The following GNB1L variants were observed in gnomAD, a reference collection of about 807,000 sequenced individuals.
GNB1L encodes G protein subunit beta 1 like, also known as guanine nucleotide-binding protein subunit beta-like protein 1.
In GNB1L, 20 loss-of-function variants were observed where a neutral mutation model predicts 29.1. The observed-to-expected ratio is 0.69, with a 90% confidence interval of 0.48 to 1.00. The LOEUF (loss-of-function observed/expected upper bound fraction) is 1.00. GNB1L is among the 50% of genes least tolerant of loss of function. The pLI, the probability that GNB1L is intolerant of heterozygous loss-of-function variation, is 0.00. For synonymous variants in GNB1L, 193 were observed against 206.5 expected (o/e 0.93, Z 0.56); for missense variants, 421 against 464.9 (o/e 0.91, Z 0.87).
chr22:19,793,674 G>T (rs1206484573), intron 7 of GNB1L, among the ~76,000 whole-genome samples: 1 of 152,190 alleles, frequency 6.6e-6, no homozygotes, highest in Non-Finnish European at 1.5e-5. Flanking sequence ...AGCAGCCACG[G>T]AGCAAGACAT....
In GNB1L at chr22:19,849,986, G is replaced by A. The variant is rs957390334; in HGVS notation, c.-21+4457C>T. 1.7e-5 allele frequency: 17 copies of A among 985,348 alleles called. No homozygotes were observed. The African/African-American group carries it at 2.3e-4, about 13-fold the overall frequency. 61.0% of individuals were successfully genotyped at this position (985,348 alleles called of 1,614,324 possible). A position where few individuals can be genotyped will look rare whatever the true frequency, so the allele number is the denominator to read the frequency against. On this transcript the variant is annotated intron_variant, in intron 2 of 7. Transcript: ENST00000329517. ...TTCATTCCATTCCTCTGGGCCTGGG[G>A]CCTCACAGCTCTGGACTGCTGCCTG... is the stretch of plus-strand genomic sequence containing the variant.
chr22:19,825,526 G>A (rs1029583655), intron 2 of GNB1L, among the ~76,000 whole-genome samples: 10 of 152,194 alleles, frequency 6.6e-5, no homozygotes, highest in South Asian at 2.1e-4. Context: ...GGAGGCTGAG[G>A]TGGGAGGATA....
intron 2 of GNB1L, among the ~76,000 whole-genome samples, chr22:19,853,328 C>T (rs770573358): frequency 1.3e-5 from 2 of 152,160 alleles, no homozygotes; most frequent in African/African-American, 2.4e-5. Context: ...TGGCTGGACC[C>T]GCCCCTCCTT....
At chr22:19,804,724 C>T (rs1937413196) in intron 6 of GNB1L, among the ~76,000 whole-genome samples, 5 of 152,096 alleles carry the variant, frequency 3.3e-5, no homozygotes, top group Admixed American at 2.0e-4. Context: ...GAGTTAATGT[C>T]GGCTTTTCTT....
At chr22:19,845,439 G>T (rs943510386) in intron 2 of GNB1L, among the ~76,000 whole-genome samples, 1 of 152,202 alleles carries the variant, frequency 6.6e-6, no homozygotes, top group African/African-American at 2.4e-5. Context: ...GAGGTGAGGT[G>T]GGCAGCGCAG....
intron 4 of GNB1L, among the ~76,000 whole-genome samples, chr22:19,815,875 A>G (rs1862910832): frequency 6.6e-6 from 1 of 152,090 alleles, no homozygotes; most frequent in South Asian, 2.1e-4. Flanking sequence ...TGCCCAGCTT[A>G]ACTTTTTATT....
intron 6 of GNB1L, among the ~76,000 whole-genome samples, chr22:19,805,331 G>T (rs541434498): frequency 7.5e-4 from 115 of 152,340 alleles, no homozygotes; most frequent in African/African-American, 2.6e-3. Context: ...GGACTCTGGG[G>T]GTACCCATCC....
At chr22:19,836,194 T>C (rs1026886448) in intron 2 of GNB1L, among the ~76,000 whole-genome samples, 1 of 152,110 alleles carries the variant, frequency 6.6e-6, no homozygotes, top group Non-Finnish European at 1.5e-5. Flanking sequence ...AGACAAATTA[T>C]AATAATTAAA....
At position 19,787,178 on chromosome 22, in the gene GNB1L, G is replaced by GCA. The variant is rs1937198809; in HGVS notation, c.*1529_*1530dup. On this transcript the variant is annotated 3_prime_UTR_variant, in exon 8 of 8. Transcript: ENST00000329517. ...GGGAGGCACGGCCTTGGGACCCCCT[G>GCA]CAGTGGGTGCACAGGTCTCACTGAC... is the stretch of plus-strand genomic sequence containing the variant. 2 of 152,406 alleles carry GCA rather than the reference G, an allele frequency of 1.3e-5. No individual in the cohort carries two copies. Among genetic ancestry groups the GCA allele is most frequent in the South Asian group, 4.1e-4 (2 of 4,844 alleles). The allele number at this position is 152,406 out of a possible 1,614,324, so 9.4% of individuals were successfully genotyped here.
chr22:19,791,607 G>A (rs977285487), intron 7 of GNB1L, among the ~76,000 whole-genome samples: 1 of 152,230 alleles, frequency 6.6e-6, no homozygotes, highest in African/African-American at 2.4e-5. Flanking sequence ...AGAGGGAGCT[G>A]AAGATTGTCT....
chr22:19,792,179 G>A (rs1418608250), intron 7 of GNB1L: 1 of 587,890 alleles, frequency 1.7e-6, no homozygotes, highest in Non-Finnish European at 3.0e-6. Flanking sequence ...GGAAAAAGCA[G>A]TTAATAGAAA....
chr22:19,790,951 ACAATTCC>A (rs2145859549), intron 7 of GNB1L, among the ~76,000 whole-genome samples: 1 of 152,352 alleles, frequency 6.6e-6, no homozygotes, highest in Admixed American at 6.5e-5. Flanking sequence ...GATAAAGAGT[ACAATTCC>A]CAATGAAGAG....
chr22:19,808,344 GAACA>G (rs1258180146), intron 5 of GNB1L, among the ~76,000 whole-genome samples: 1 of 152,208 alleles, frequency 6.6e-6, no homozygotes, highest in Non-Finnish European at 1.5e-5. Context: ...GGCCCCCGGG[GAACA>G]AACAGAGCAA....
At chr22:19,807,377 C>T (rs1011869186) in intron 5 of GNB1L, among the ~76,000 whole-genome samples, 1 of 152,122 alleles carries the variant, frequency 6.6e-6, no homozygotes, top group African/African-American at 2.4e-5. Context: ...ATGGCCGAGG[C>T]CACAAGCAGC....
Position 19,812,444 on chromosome 22 carries a change from C to T in GNB1L, c.258G>A (p.Gln86=). The T allele has an allele frequency of 6.2e-7, 1 of 1,611,722 alleles. No individual in the cohort carries two copies. The highest frequency in any genetic ancestry group is 1.1e-5 in the South Asian group (1 of 90,884). ...ACAGGCACAGCTTCAGGTCCCGGCC[C>T]TGACTGCCAGACAAAGAGGAGACAG... The part of the protein sequence containing the change: ...TLPQGRQLLS[Q]GRDLKLCLWD... The change falls in exon 5 of 8, where the codon CAG becomes CAA. Residue 86 remains glutamine, a synonymous_variant. Coordinates refer to ENST00000329517, the MANE Select transcript of GNB1L (RefSeq NM_053004.3).
chr22:19,820,780 TG>T, intron 3 of GNB1L, 57 bp from the exon 4 acceptor site: 1 of 1,562,554 alleles, frequency 6.4e-7, no homozygotes, highest in Non-Finnish European at 8.7e-7. Context: ...CTGAATGCTC[TG>T]GGGCCAGCCT....
intron 7 of GNB1L, among the ~76,000 whole-genome samples, chr22:19,801,376 C>T (rs1937368793): frequency 6.6e-6 from 1 of 152,188 alleles, no homozygotes; most frequent in Non-Finnish European, 1.5e-5. Flanking sequence ...CTTGCCCCCA[C>T]CAGCCTGACC....
intron 2 of GNB1L, among the ~76,000 whole-genome samples, chr22:19,827,678 T>G (rs912841379): frequency 1.3e-5 from 2 of 152,132 alleles, no homozygotes; most frequent in African/African-American, 4.8e-5. Flanking sequence ...TAGCAAAAAA[T>G]TAAACAGTCT....
chr22:19,854,174 G>C (rs982551692), intron 2 of GNB1L, among the ~76,000 whole-genome samples: 3 of 152,288 alleles, frequency 2.0e-5, no homozygotes, highest in Admixed American at 2.0e-4. Flanking sequence ...GCCTGGCATA[G>C]AAGACTTTCG....
Sources: allele counts gnomAD v4.1 joint callset (sites outside exome capture counted in the v4.1 genomes callset), GRCh38; gene constraint gnomAD v4.1.1; transcripts MANE v1.5; gene names NCBI Gene and HGNC (gene_info 2026-07-23, HGNC 2026-07-21).